SNAPC4: variants seen among roughly 807,000 people sequenced by gnomAD.
SNAPC4 encodes the protein snRNA-activating protein complex subunit 4.
In SNAPC4, 127 loss-of-function variants were observed where a neutral mutation model predicts 151.3. The observed-to-expected ratio is 0.84, with a 90% CI of 0.73 to 0.97. The LOEUF (loss-of-function observed/expected upper bound fraction) is 0.97, where lower values mean the gene tolerates loss of function less well. Among genes scored for constraint, SNAPC4 ranks in the 50% least tolerant of loss-of-function variants. The pLI is 0.00. For synonymous variants in SNAPC4, 1,002 were observed against 824.4 expected (o/e 1.22, Z -3.69); for missense variants, 2,186 against 1,935.0 (o/e 1.13, Z -2.43).
rs775874613 is a variant in SNAPC4, at chr9:136,392,678, G to A, written c.732C>T (p.Asp244=). 6.2e-7 allele frequency: 1 copy of A among 1,613,750 alleles called. No homozygotes were observed. The highest frequency in any genetic ancestry group is 8.5e-7 in the Non-Finnish European group (1 of 1,179,970). ...QGREAEKEIQ[D]INQLPEEALL... Reference sequence around the variant, plus strand: ...TCCCGGGAGGCCCCCCTCACTTGATGTCCTGGATCTCCTTCTCGGCTTCCC... The same window carrying A: ...TCCCGGGAGGCCCCCCTCACTTGATATCCTGGATCTCCTTCTCGGCTTCCC... Residue 244 remains aspartate (D), a synonymous_variant, in exon 8 of 24, where the codon GAC becomes GAT. Transcript: ENST00000684778.
intron 10 of SNAPC4, among the ~76,000 whole-genome samples, chr9:136,389,587 G>C (rs770488746): frequency 3.0e-4 from 46 of 152,208 alleles, no homozygotes; most frequent in Non-Finnish European, 4.3e-4. Flanking sequence ...ACGTGTGTGA[G>C]CCTCGCCCGC....
At position 136,377,957 on chromosome 9, in the gene SNAPC4, C is replaced by T. The variant is rs1019288306; in HGVS notation, c.3870G>A (p.Arg1290=). ...TGCCCAGAAGAGGCACACGCACCCC[C>T]CGCTGGCCCCCCAGCCACTGCTGTG... ...AATQQWLGGQ[R]GVRVPLLGSR... is the part of the protein sequence containing the mutation. Residue 1290 remains arginine (R), a synonymous_variant, in exon 22 of 24, where the codon CGG becomes CGA. Coordinates refer to ENST00000684778, the MANE Select transcript of SNAPC4 (RefSeq NM_003086.4). 6.2e-7 allele frequency: 1 copy of T among 1,602,366 alleles called. No homozygotes were observed. The highest frequency in any genetic ancestry group is 1.7e-5 in the Admixed American group (1 of 59,654).
Position 136,378,665 on chromosome 9 carries a change from G to T in SNAPC4, c.3162C>A (p.Pro1054=). The change falls in exon 22 of 24, where the codon CCC becomes CCA. Residue 1054 remains proline, a synonymous_variant. Coordinates refer to ENST00000684778, the MANE Select transcript of SNAPC4 (RefSeq NM_003086.4). ...TGTGCGTCAGGCTGAGGGGCTGGAC[G>T]GGCAGTGGGGTGGGGCTGGGGGCTG... ...LPAAPSPTPL[P]VQPLSLTHIG... is the part of the protein sequence containing the mutation. 6.6e-7 allele frequency: 1 copy of T among 1,510,194 alleles called. No individual in the cohort carries two copies. The highest frequency in any genetic ancestry group is 2.2e-5 in the Admixed American group (1 of 44,768). The allele number at this position is 1,510,194 out of a possible 1,614,324, so 93.5% of individuals were successfully genotyped here.
chr9:136,394,267 A>G lies in SNAPC4; in HGVS notation c.614T>C (p.Leu205Pro), dbSNP rs1430138448. ...SVVSDRLQRL[L>P]QPKLLKLEYL... ...GACTTACTTCAGTAACTTGGGCTGA[A>G]GCAATCGCTGCAGGCGGTCACTCAC... Residue 205 changes from leucine (L) to proline (P), a missense_variant, in exon 7 of 24, where the codon CTT becomes CCT. By Grantham distance (98) the Leu-to-Pro change is moderately conservative (BLOSUM62 -3). Coordinates refer to ENST00000684778, the MANE Select transcript of SNAPC4 (RefSeq NM_003086.4). 4 of 1,613,694 alleles carry G rather than the reference A, an allele frequency of 2.5e-6. No homozygotes were observed. The highest frequency in any genetic ancestry group is 2.5e-6 in the Non-Finnish European group (3 of 1,179,844).
rs1429032838 is a variant in SNAPC4 at position 136,377,908 on chromosome 9, C to G, written c.3919G>C (p.Ala1307Pro). The G allele has an allele frequency of 1.2e-6, 2 of 1,610,972 alleles. No homozygotes were observed. The highest frequency in any genetic ancestry group is 3.3e-5 in the Admixed American group (2 of 59,994). The change falls in exon 22 of 24, where the codon GCC becomes CCC. Residue 1307 changes from alanine to proline, a missense_variant. Physicochemically the swap from Ala to Pro is conservative, Grantham distance 27. Coordinates refer to ENST00000684778, the MANE Select transcript of SNAPC4 (RefSeq NM_003086.4). The part of the protein sequence containing the change: ...LGSRLPYQPP[A>P]LCSLRALSGL... ...GACAGAGCTCGCAGGCTGCACAGGG[C>G]TGGGGGCTGATAGGGCAGTCTGCTG... is the stretch of plus-strand genomic sequence containing the variant.
intron 2 of SNAPC4, among the ~76,000 whole-genome samples, chr9:136,397,970 A>G (rs762987999): frequency 2.2e-4 from 34 of 152,246 alleles, no homozygotes; most frequent in Non-Finnish European, 4.0e-4. Context: ...TTCAGGGGCT[A>G]GCAAAGGAGG....
chr9:136,377,761 G>A lies in SNAPC4; in HGVS notation c.4066C>T (p.Gln1356Ter), dbSNP rs1039670637. 14 of 1,611,386 alleles carry A rather than the reference G, an allele frequency of 8.7e-6. No individual in the cohort carries two copies. The highest frequency in any genetic ancestry group is 1.2e-5 in the Non-Finnish European group (14 of 1,179,212). The change falls in exon 22 of 24, where the codon CAG becomes TAG. Residue 1356 changes from glutamine to a stop codon, truncating the protein, a stop_gained. Transcript: ENST00000684778. LOFTEE classifies it high-confidence loss of function. ...ASLGLVRGQL[Q>*]DNPAYLLLRA... ...AACAGGAGGTAGGCCGGGTTGTCCT[G>A]GAGCTGCCCCCGCACCAGCCCCAGT...
In SNAPC4 at chr9:136,392,715, T is replaced by C; in HGVS notation, c.695A>G (p.Glu232Gly). 1 of 1,613,736 alleles carries C rather than the reference T, an allele frequency of 6.2e-7. No homozygotes were observed. The highest frequency in any genetic ancestry group is 1.1e-5 in the South Asian group (1 of 91,084). ...CTTCTCGGCTTCCCTGCCCTGCTTC[T>C]CCAGGGCTTGCCTCTCCAGCTCACT... The part of the protein sequence containing the change: ...VSSELERQAL[E>G]KQGREAEKEI... The change falls in exon 8 of 24, where the codon GAG becomes GGG. Residue 232 changes from glutamate (E) to glycine (G), a missense_variant. By Grantham distance (98) the Glu-to-Gly change is moderately conservative. Coordinates refer to ENST00000684778, the MANE Select transcript of SNAPC4 (RefSeq NM_003086.4).
At position 136,378,487 on chromosome 9, in the gene SNAPC4, G is replaced by A; in HGVS notation, c.3340C>T (p.Pro1114Ser). The A allele has an allele frequency of 6.3e-7, 1 of 1,591,918 alleles. No individual in the cohort carries two copies. Among genetic ancestry groups the A allele is most frequent in the African/African-American group, 1.3e-5 (1 of 74,720 alleles). Residue 1114 changes from proline (P) to serine (S), a missense_variant, in exon 22 of 24, where the codon CCT (proline) becomes TCT (serine). Transcript: ENST00000684778. ...GCCGCCCGAGTCTCAGTCAGGGGAG[G>A]CAGCAGAGTGGCCAGCAGCCCTGCG... ...GPAGLLATLL[P>S]PLTETRAAQG... is the part of the protein sequence containing the mutation.
chr9:136,385,574 T>C (rs1031259153), intron 13 of SNAPC4, among the ~76,000 whole-genome samples: 2 of 151,904 alleles, frequency 1.3e-5, no homozygotes, highest in African/African-American at 4.8e-5. Context: ...TTTGTTTTTT[T>C]TGAGACGGAG....
Position 136,379,236 on chromosome 9 carries a change from C to G in SNAPC4, c.2591G>C (p.Arg864Pro). 5 of 1,612,516 alleles carry G rather than the reference C, an allele frequency of 3.1e-6. No homozygotes were observed. The highest frequency in any genetic ancestry group is 4.2e-6 in the Non-Finnish European group (5 of 1,179,878). Residue 864 changes from arginine (R) to proline (P), a missense_variant, in exon 22 of 24, where the codon CGA becomes CCA. Transcript: ENST00000684778. ...ASKSASHKGS[R>P]RLASSRVERT... ...CTCCACCCGGCTGGACGCCAGTCTTCGGCTCCCTTTGTGGCTGGCACTCTT... is the reference window on the plus strand; with the variant it reads ...CTCCACCCGGCTGGACGCCAGTCTTGGGCTCCCTTTGTGGCTGGCACTCTT...
At chr9:136,396,541 C>T (rs1041526342) in intron 3 of SNAPC4, among the ~76,000 whole-genome samples, 3 of 152,218 alleles carry the variant, frequency 2.0e-5, no homozygotes, top group African/African-American at 4.8e-5. Context: ...CTCAGCCACC[C>T]AAGTAGCTGC....
intron 13 of SNAPC4, among the ~76,000 whole-genome samples, chr9:136,386,434 AT>A (rs1022722686): frequency 0.098 from 12,654 of 128,766 alleles, 343 homozygotes; most frequent in Admixed American, 0.15. Flanking sequence ...TCTACACTTC[AT>A]TTTTTTTTTT....
At chr9:136,392,380 G>T in intron 9 of SNAPC4, 142 bp downstream of exon 9, 1 of 891,400 alleles carries the variant, frequency 1.1e-6, no homozygotes, top group Non-Finnish European at 1.8e-6. Flanking sequence ...TGTGGGACAT[G>T]TGCTTGACCC....
rs925819751 is a variant in SNAPC4 at position 136,378,987 on chromosome 9, A to G, written c.2840T>C (p.Val947Ala). Residue 947 changes from valine to alanine, a missense_variant, in exon 22 of 24, where the codon GTC (valine) becomes GCC (alanine). Physicochemically the swap from Val to Ala is moderately conservative, Grantham distance 64. Transcript: ENST00000684778. ...AGGCCCAGAGAGCGGTACATTTAAG[A>G]CGGTGGGACCCGGGGCTGGGCGGCC... ...PHGRPAPGPT[V>A]LNVPLSGPGA... The G allele has an allele frequency of 2.5e-5, 40 of 1,607,946 alleles. No homozygotes were observed. Among genetic ancestry groups the G allele is most frequent in the Non-Finnish European group, 3.4e-5 (40 of 1,178,344 alleles).
At chr9:136,376,866 C>CT (rs2131459734) in intron 22 of SNAPC4, among the ~76,000 whole-genome samples, 1 of 152,314 alleles carries the variant, frequency 6.6e-6, no homozygotes, top group South Asian at 2.1e-4. Flanking sequence ...AGACACAACC[C>CT]TGGGGAGAGA....
At chr9:136,381,562 G>GCCCT (rs1833693279) in intron 18 of SNAPC4, among the ~76,000 whole-genome samples, 170 bp from the exon 19 acceptor site, 1 of 152,242 alleles carries the variant, frequency 6.6e-6, no homozygotes, top group African/African-American at 2.4e-5. Context: ...CCTGGACAAG[G>GCCCT]GTGGGCCCTG....
Position 136,376,469 on chromosome 9 carries a change from A to G in SNAPC4, c.4297T>C (p.Ser1433Pro). The G allele has an allele frequency of 6.2e-7, 1 of 1,613,126 alleles. No individual in the cohort carries two copies. Among genetic ancestry groups the G allele is most frequent in the Non-Finnish European group, 8.5e-7 (1 of 1,179,804 alleles). Residue 1433 changes from serine (S) to proline (P), a missense_variant, in exon 23 of 24, where the codon TCT becomes CCT. By Grantham distance (74) the Ser-to-Pro change is moderately conservative (BLOSUM62 -1). Transcript: ENST00000684778. ...CAGGAGGAAGCAGAGCATTTACCAG[A>G]GTCTGGGGCTCCCTGAAAGAAAATC... ...ATCPIQGAPD[S>P]GKCSASSCLD...
At chr9:136,397,701 G>A (rs1432545187) in intron 2 of SNAPC4, among the ~76,000 whole-genome samples, 1 of 124,452 alleles carries the variant, frequency 8.0e-6, no homozygotes, top group Non-Finnish European at 1.7e-5. Context: ...TGGGGAGCAC[G>A]TGGGGTGGGG....
Sources: allele counts gnomAD v4.1 joint callset (sites outside exome capture counted in the v4.1 genomes callset), GRCh38; gene constraint gnomAD v4.1.1; transcripts MANE v1.5; gene names NCBI Gene and HGNC (gene_info 2026-07-23, HGNC 2026-07-21).